Variants in CD22 observed in about 807,000 individuals in gnomAD.
CD22 encodes B-cell receptor CD22.
In CD22, 51 loss-of-function variants were observed where a neutral mutation model predicts 94.7. That is an observed-to-expected ratio of 0.54 (90% CI 0.43 to 0.68). The LOEUF is 0.68. Among genes scored for constraint, CD22 ranks in the 30% least tolerant of loss-of-function variants. The pLI, the probability that CD22 is intolerant of heterozygous loss-of-function variation, is 0.00. For missense variants in CD22, 931 were observed against 1,060.4 expected, an observed-to-expected ratio of 0.88 and a Z score of 1.69; for synonymous variants, 424 against 422.5, an observed-to-expected ratio of 1.00 and a Z score of -0.04.
chr19:35,335,038 A>G (rs2066699269), intron 3 of CD22, among the ~76,000 whole-genome samples: 1 of 139,634 alleles, frequency 7.2e-6, no homozygotes, highest in Admixed American at 7.8e-5. Flanking sequence ...AGATCACGCC[A>G]CTACACTCCA....
intron 6 of CD22, among the ~76,000 whole-genome samples, chr19:35,340,175 G>A (rs1464482559): frequency 6.6e-6 from 1 of 152,146 alleles, no homozygotes; most frequent in African/African-American, 2.4e-5. Context: ...GATGTTTGTG[G>A]AGTGTTTGCC....
At position 35,342,054 on chromosome 19, in the gene CD22, C is replaced by A. The variant is rs1268626418; in HGVS notation, c.2035+89C>A. 7.6e-6 allele frequency: 8 copies of A among 1,054,544 alleles called. No homozygotes were observed. The Admixed American group carries it at 1.3e-4, about 17-fold the overall frequency. The allele number at this position is 1,054,544 out of a possible 1,614,324, so 65.3% of individuals were successfully genotyped here. A position where few individuals can be genotyped will look rare whatever the true frequency, so the allele number is the denominator to read the frequency against. On this transcript the variant is annotated intron_variant, in intron 9 of 13. Transcript: ENST00000085219. ...CCTTCCTTCCTTCCTTCCTTCCTTC[C>A]TTTCTTTCTCTCTTTCTTTTCCTCC...
chr19:35,341,381 C>T lies in CD22; in HGVS notation c.1546C>T (p.Leu516Phe), dbSNP rs1320853018. 1.9e-6 allele frequency: 3 copies of T among 1,613,952 alleles called. No homozygotes were observed. Among genetic ancestry groups the T allele is most frequent in the Non-Finnish European group, 2.5e-6 (3 of 1,179,988 alleles). Residue 516 changes from leucine (L) to phenylalanine (F), a missense_variant, in exon 8 of 14, where the codon CTT (leucine) becomes TTT (phenylalanine). Transcript: ENST00000085219. This position sits in a 1 kb window ranked among gnomAD's most constrained non-coding sequence, Gnocchi z 4.0. ...RDVRVRKIKP[L>F]SEIHSGNSVS... Reference sequence around the variant, plus strand: ...CGTGAGGGTCCGGAAAATCAAGCCCCTTTCCGAGATTCACTCTGGAAACTC... The same window carrying T: ...CGTGAGGGTCCGGAAAATCAAGCCCTTTTCCGAGATTCACTCTGGAAACTC...
In CD22 at chr19:35,345,087, G is replaced by C; in HGVS notation, c.2169G>C (p.Glu723Asp). The part of the protein sequence containing the change: ...KRTQSQQGLQ[E>D]NSSGQSFFVR... ...CACAGAGCCAGCAGGGGCTTCAGGA[G>C]AATTCCAGCGGCCAGAGCTTCTTTG... is the stretch of plus-strand genomic sequence containing the variant. Residue 723 changes from glutamate to aspartate, a missense_variant, in exon 11 of 14, where the codon GAG becomes GAC. Physicochemically the swap from Glu to Asp is conservative, Grantham distance 45. Coordinates refer to ENST00000085219, the MANE Select transcript of CD22 (RefSeq NM_001771.4). 1.2e-6 allele frequency: 2 copies of C among 1,614,088 alleles called. No individual in the cohort carries two copies. Among genetic ancestry groups the C allele is most frequent in the Admixed American group, 1.7e-5 (1 of 60,012 alleles).
Position 35,346,591 on chromosome 19 carries a change from A to G in CD22, c.2438A>G (p.Asp813Gly). ...GGCGACTATGAGAACGTCATTCCAG[A>G]TTTTCCAGAAGATGAGGGGATTCAT... is the stretch of plus-strand genomic sequence containing the variant. ...QVGDYENVIP[D>G]FPEDEGIHYS... Residue 813 changes from aspartate (D) to glycine (G), a missense_variant, in exon 14 of 14, where the codon GAT (aspartate) becomes GGT (glycine). By Grantham distance (94) the Asp-to-Gly change is moderately conservative (BLOSUM62 -1). Coordinates refer to ENST00000085219, the MANE Select transcript of CD22 (RefSeq NM_001771.4). The G allele has an allele frequency of 6.2e-7, 1 of 1,604,666 alleles. No homozygotes were observed. Among genetic ancestry groups the G allele is most frequent in the Non-Finnish European group, 8.5e-7 (1 of 1,175,000 alleles).
chr19:35,330,103 T>C (rs575071607), intron 1 of CD22, among the ~76,000 whole-genome samples: 1 of 152,260 alleles, frequency 6.6e-6, no homozygotes, highest in African/African-American at 2.4e-5. Flanking sequence ...GTTGGGGGGA[T>C]CACCTGAGGT....
chr19:35,332,236 A>G (rs1168867981), intron 2 of CD22, 162 bp downstream of exon 2: 2 of 720,508 alleles, frequency 2.8e-6, no homozygotes, highest in Non-Finnish European at 4.7e-6. Flanking sequence ...CCATATATAC[A>G]TACACTTCTC....
intron 6 of CD22, among the ~76,000 whole-genome samples, chr19:35,340,375 C>T (rs1462892598): frequency 2.6e-5 from 4 of 152,132 alleles, no homozygotes; most frequent in African/African-American, 4.8e-5. Context: ...CTCCACCTCC[C>T]GGGTTCAAGC....
chr19:35,331,050 T>C (rs1416423822), intron 1 of CD22: 1 of 152,050 alleles, frequency 6.6e-6, no homozygotes, highest in Non-Finnish European at 1.5e-5. Flanking sequence ...GCCTCATGAG[T>C]ATCTGGGATT....
intron 3 of CD22, among the ~76,000 whole-genome samples, chr19:35,334,875 G>A (rs1033240918): frequency 1.3e-5 from 2 of 151,776 alleles, no homozygotes; most frequent in African/African-American, 4.8e-5. Context: ...TCAGGAGATC[G>A]AGACCATCCT....
intron 1 of CD22, chr19:35,331,783 G>A: frequency 1.5e-6 from 1 of 645,640 alleles, no homozygotes; most frequent in Non-Finnish European, 2.3e-6. Flanking sequence ...GGAAGCAGAG[G>A]TTGCAGTGAG....
Position 35,344,870 on chromosome 19 carries a change from G to A in CD22, c.2077G>A (p.Gly693Arg), listed in dbSNP as rs768555478. 2.5e-6 allele frequency: 4 copies of A among 1,613,972 alleles called. No homozygotes were observed. The highest frequency in any genetic ancestry group is 1.7e-5 in the Admixed American group (1 of 60,024). Residue 693 changes from glycine to arginine, a missense_variant, in exon 10 of 14, where the codon GGG becomes AGG. By Grantham distance (125) the Gly-to-Arg change is moderately radical. Transcript: ENST00000085219. ...TIGRRVAVGL[G>R]SCLAILILAI... ...CGGCAGGCGAGTGGCTGTGGGACTC[G>A]GGTCCTGCCTCGCCATCCTCATCCT...
intron 6 of CD22, among the ~76,000 whole-genome samples, chr19:35,340,059 T>A (rs58925600): frequency 6.6e-6 from 1 of 152,198 alleles, no homozygotes; most frequent in African/African-American, 2.4e-5. Flanking sequence ...AAAGAACACA[T>A]AAGCTCGATC....
Position 35,346,775 on chromosome 19 carries a change from A to G in CD22, c.*78A>G. ...CCCGAGTTTCCCCAGACACCGCCACATGGCTTCCTCCTGCGCGCATGTGCG... is the reference window on the plus strand; with the variant it reads ...CCCGAGTTTCCCCAGACACCGCCACGTGGCTTCCTCCTGCGCGCATGTGCG... On this transcript the variant is annotated 3_prime_UTR_variant, in exon 14 of 14. Coordinates refer to ENST00000085219, the MANE Select transcript of CD22 (RefSeq NM_001771.4). 2 of 1,399,064 alleles carry G rather than the reference A, an allele frequency of 1.4e-6. No individual in the cohort carries two copies. Among genetic ancestry groups the G allele is most frequent in the South Asian group, 2.8e-5 (2 of 72,492 alleles). 86.7% of individuals were successfully genotyped at this position (1,399,064 alleles called of 1,614,324 possible). A position where few individuals can be genotyped will look rare whatever the true frequency, so the allele number is the denominator to read the frequency against.
Position 35,345,420 on chromosome 19 carries a change from CAAAAAAAAA to C in CD22, c.2209-165_2209-157del, listed in dbSNP as rs61349223. ...TGGGTGACATACTGAGACTCTGCCT[CAAAAAAAAA>C]AAAAAAAAAAAAAAAAGGGTAGGCA... On this transcript the variant is annotated intron_variant, in intron 11 of 13. Transcript: ENST00000085219. The C allele has an allele frequency of 5.7e-4, 90 of 156,842 alleles. No homozygotes were observed. The African/African-American group carries it at 5.9e-3, about 10-fold the overall frequency. 9.7% of individuals were successfully genotyped at this position (156,842 alleles called of 1,614,324 possible).
At chr19:35,346,076 G>T (rs376921053) in intron 12 of CD22, 75 bp from the exon 13 acceptor site, 34 of 1,134,396 alleles carry the variant, frequency 3.0e-5, no homozygotes, top group East Asian at 2.8e-4. Context: ...GCTGTTGGGG[G>T]CTCTGGGTGT....
At position 35,344,902 on chromosome 19, in the gene CD22, CTG is replaced by C; in HGVS notation, c.2112_2113del (p.Cys704TrpfsTer31). 1 of 1,614,060 alleles carries C rather than the reference CTG, an allele frequency of 6.2e-7. No individual in the cohort carries two copies. Among genetic ancestry groups the C allele is most frequent in the Non-Finnish European group, 8.5e-7 (1 of 1,179,908 alleles). Reference sequence around the variant, plus strand: ...GCCTCGCCATCCTCATCCTGGCAATCTGTGGGCTCAAGCTCCAGCGACGGTGA... The same window carrying C: ...GCCTCGCCATCCTCATCCTGGCAATCTGGGCTCAAGCTCCAGCGACGGTGA... ...SCLAILILAI[C>X]GLKLQRRWKR... On this transcript the variant is annotated frameshift_variant, in exon 10 of 14. Coordinates refer to ENST00000085219, the MANE Select transcript of CD22 (RefSeq NM_001771.4). LOFTEE classifies it high-confidence loss of function.
chr19:35,345,164 T>C, intron 11 of CD22, 38 bp downstream of exon 11: 1 of 1,586,554 alleles, frequency 6.3e-7, no homozygotes, highest in Non-Finnish European at 8.7e-7. Context: ...ATGCCTGTAA[T>C]CCCAGCACTT....
chr19:35,331,567 G>A (rs899805309), intron 1 of CD22: 3 of 161,538 alleles, frequency 1.9e-5, no homozygotes, highest in Non-Finnish European at 4.1e-5. Context: ...AAAAACTCCC[G>A]GCCAGGAGTG....
Sources: allele counts gnomAD v4.1 joint callset (sites outside exome capture counted in the v4.1 genomes callset), GRCh38; gene constraint gnomAD v4.1.1; non-coding constraint Gnocchi (gnomAD v3.1); transcripts MANE v1.5; gene names NCBI Gene and HGNC (gene_info 2026-07-23, HGNC 2026-07-21).